The following CACNA1C variants were observed in gnomAD, a reference collection of about 807,000 sequenced individuals.
The protein encoded by CACNA1C is voltage-dependent L-type calcium channel subunit alpha-1C.
Under a neutral mutation model 229.0 loss-of-function variants are expected in CACNA1C, and 30 were observed. That is an observed-to-expected ratio of 0.13 (90% CI 0.10 to 0.18). The LOEUF (loss-of-function observed/expected upper bound fraction) is 0.18. CACNA1C is among the 10% of genes least tolerant of loss of function. The pLI, the probability that CACNA1C is intolerant of heterozygous loss-of-function variation, is 1.00. For synonymous variants in CACNA1C, 1,114 were observed against 1,132.5 expected (o/e 0.98, Z 0.33); for missense variants, 1,658 against 2,845.0 (o/e 0.58, Z 9.49).
intron 3 of CACNA1C, among the ~76,000 whole-genome samples, chr12:2,349,551 C>T (rs1354935816): frequency 3.3e-5 from 5 of 152,072 alleles, no homozygotes; most frequent in Non-Finnish European, 1.5e-5. Context: ...CCACGTCTGC[C>T]CCCTGCCCTC....
chr12:2,355,522 A>G (rs1057008866), intron 3 of CACNA1C, among the ~76,000 whole-genome samples: 1 of 152,036 alleles, frequency 6.6e-6, no homozygotes, highest in Non-Finnish European at 1.5e-5. Flanking sequence ...TTTTTTCCTT[A>G]TGAGATAGAA....
intron 3 of CACNA1C, among the ~76,000 whole-genome samples, chr12:2,387,304 C>T (rs146251301): frequency 3.7e-4 from 57 of 152,152 alleles, no homozygotes; most frequent in Non-Finnish European, 6.3e-4. Context: ...GGCCAACTTG[C>T]TGAAATCTCG....
chr12:2,235,329 C>T (rs1226065743), intron 3 of CACNA1C, among the ~76,000 whole-genome samples: 1 of 152,120 alleles, frequency 6.6e-6, no homozygotes. Flanking sequence ...TCAGGAAAGC[C>T]ATTCAGCCGG....
chr12:2,104,141 G>A (rs115108256), intron 1 of CACNA1C, among the ~76,000 whole-genome samples: 2,332 of 152,270 alleles, frequency 0.015, 51 homozygotes, highest in African/African-American at 0.053. Context: ...GATAAGGATA[G>A]CATTATATCT....
At chr12:2,458,520 T>C (rs2099461799) in intron 5 of CACNA1C, among the ~76,000 whole-genome samples, 1 of 152,254 alleles carries the variant, frequency 6.6e-6, no homozygotes, top group Non-Finnish European at 1.5e-5. Context: ...GTTTGTGGTA[T>C]CTGAGAACAA....
At chr12:2,335,889 AAAGT>A (rs2096677612) in intron 3 of CACNA1C, among the ~76,000 whole-genome samples, 1 of 152,188 alleles carries the variant, frequency 6.6e-6, no homozygotes, top group Non-Finnish European at 1.5e-5. Context: ...TTCCCAAAAA[AAAGT>A]AAGGCTGAAA....
At chr12:2,194,183 C>T (rs767114499) in intron 3 of CACNA1C, among the ~76,000 whole-genome samples, 1 of 146,074 alleles carries the variant, frequency 6.8e-6, no homozygotes, top group East Asian at 2.1e-4. Context: ...TTCCTCTCCT[C>T]TTCTTCCCCT....
At chr12:2,106,695 C>T (rs1227881245) in intron 1 of CACNA1C, among the ~76,000 whole-genome samples, 18 of 104,256 alleles carry the variant, frequency 1.7e-4, no homozygotes, top group African/African-American at 6.3e-4. Flanking sequence ...CACTGGGCGC[C>T]CACCCCGGGG....
intron 3 of CACNA1C, among the ~76,000 whole-genome samples, chr12:2,378,134 T>C (rs2098128103): frequency 6.6e-6 from 1 of 152,150 alleles, no homozygotes. Flanking sequence ...CCAGTAATAA[T>C]GATTATAAAG....
chr12:2,293,955 G>C (rs538019464), intron 3 of CACNA1C, among the ~76,000 whole-genome samples: 1 of 152,036 alleles, frequency 6.6e-6, no homozygotes, highest in Admixed American at 6.5e-5. Context: ...AACTCTAATA[G>C]CAAGTCTTCT....
intron 3 of CACNA1C, among the ~76,000 whole-genome samples, chr12:2,255,916 TGACCTTACTAGTTTACAACCACACGAC>T (rs2077383272): frequency 2.6e-5 from 4 of 152,004 alleles, no homozygotes; most frequent in East Asian, 1.9e-4. Flanking sequence ...CACACGACCC[TGACCTTACTAGTTTACAACCACACGAC>T]CCTGACCTGA....
chr12:2,643,772 G>C (rs1489187483), intron 30 of CACNA1C, among the ~76,000 whole-genome samples: 1 of 152,098 alleles, frequency 6.6e-6, no homozygotes, highest in African/African-American at 2.4e-5. Context: ...GGCGTCAGAT[G>C]TCTCCAGCAG....
At chr12:2,609,185 A>G (rs939647496) in intron 27 of CACNA1C, among the ~76,000 whole-genome samples, 2 of 152,100 alleles carry the variant, frequency 1.3e-5, no homozygotes, top group African/African-American at 4.8e-5. Context: ...AAAGAGGCTT[A>G]AGTGGGAGTG....
chr12:2,111,216 C>T (rs1171920932), intron 1 of CACNA1C, among the ~76,000 whole-genome samples: 6 of 152,186 alleles, frequency 3.9e-5, no homozygotes, highest in South Asian at 4.1e-4. Context: ...AAGGTCCTTG[C>T]GCTCTGGGAA....
intron 5 of CACNA1C, among the ~76,000 whole-genome samples, chr12:2,462,344 T>A (rs1397864392): frequency 6.8e-6 from 1 of 146,056 alleles, no homozygotes; most frequent in African/African-American, 2.6e-5. Flanking sequence ...GCCCCTTGGC[T>A]CAGCTCTCTG....
chr12:2,429,106 G>T (rs2099059097), intron 3 of CACNA1C, among the ~76,000 whole-genome samples: 1 of 152,014 alleles, frequency 6.6e-6, no homozygotes, highest in African/African-American at 2.4e-5. Flanking sequence ...GTTTGTAGAT[G>T]CATTAATCAC....
At chr12:2,690,693 G>C in intron 46 of CACNA1C, 1 of 549,172 alleles carries the variant, frequency 1.8e-6, no homozygotes, top group Non-Finnish European at 3.2e-6. Flanking sequence ...AACTTCTCTG[G>C]CCTGCACATC....
At chr12:2,028,407 A>G (rs1478132233) in intron 1 of CACNA1C, among the ~76,000 whole-genome samples, 3 of 152,210 alleles carry the variant, frequency 2.0e-5, no homozygotes, top group Non-Finnish European at 4.4e-5. Context: ...ATAGAGGAGG[A>G]TGCTGAGGGC....
In CACNA1C at chr12:2,616,391, A is replaced by T. The variant is rs372371576; in HGVS notation, c.3828+4378A>T. 6.6e-5 allele frequency among the ~76,000 whole-genome samples: 10 copies of T among 152,302 alleles called. No homozygotes were observed. In the South Asian group the frequency reaches 2.1e-3, roughly 32 times the overall value. On this transcript the variant is annotated intron_variant, in intron 29 of 46. Coordinates refer to ENST00000399655, the MANE Select transcript of CACNA1C (RefSeq NM_000719.7). ...CCAGAAGTTGACGCATATATAGTGGAGCCCCTCTTGACTGGGTTAGACAGT... is the reference window on the plus strand; with the variant it reads ...CCAGAAGTTGACGCATATATAGTGGTGCCCCTCTTGACTGGGTTAGACAGT...
Sources: allele counts gnomAD v4.1 joint callset (sites outside exome capture counted in the v4.1 genomes callset), GRCh38; gene constraint gnomAD v4.1.1; transcripts MANE v1.5; gene names NCBI Gene and HGNC (gene_info 2026-07-23, HGNC 2026-07-21).